EIF3E: variants seen among roughly 807,000 people sequenced by gnomAD.
EIF3E encodes the protein eukaryotic translation initiation factor 3 subunit E, also known as eIF-3 p48.
In EIF3E, 25 loss-of-function variants were observed where a neutral mutation model predicts 59.3. That is an observed-to-expected ratio of 0.42 (90% CI 0.31 to 0.59). EIF3E has a LOEUF of 0.59. Ranked by LOEUF, EIF3E falls within the 20% of genes least tolerant of loss-of-function variation. EIF3E has a pLI of 0.15. For synonymous variants in EIF3E, 176 were observed against 170.2 expected (o/e 1.03, Z -0.26); for missense variants, 317 against 534.3 (o/e 0.59, Z 4.01).
chr8:108,246,669 T>G (rs2129934732), intron 1 of EIF3E, among the ~76,000 whole-genome samples: 1 of 152,164 alleles, frequency 6.6e-6, no homozygotes, highest in Non-Finnish European at 1.5e-5. Flanking sequence ...TCCCATCCAC[T>G]TCCTCTACTT....
intron 10 of EIF3E, among the ~76,000 whole-genome samples, chr8:108,205,257 A>C (rs1440125854): frequency 6.6e-6 from 1 of 152,112 alleles, no homozygotes; most frequent in Non-Finnish European, 1.5e-5. Context: ...CATGTAACCA[A>C]AGTGCACGCA....
At position 108,215,686 on chromosome 8, in the gene EIF3E, T is replaced by G. The variant is rs143560214; in HGVS notation, c.951+726A>C. Among the ~76,000 whole-genome samples the G allele has an allele frequency of 1.4e-3, 208 of 152,238 alleles. 5 individuals are homozygous for G. The East Asian group carries it at 0.033, about 24-fold the overall frequency. On this transcript the variant is annotated intron_variant, in intron 9 of 12. Transcript: ENST00000220849. ...ATGATCATTTTTTTCCTTAGAGAAGTAAGATATTTGTCAACAAATTGCCCA... is the reference window on the plus strand; with the variant it reads ...ATGATCATTTTTTTCCTTAGAGAAGGAAGATATTTGTCAACAAATTGCCCA...
At chr8:108,240,177 A>G (rs1378528299) in intron 2 of EIF3E, 102 bp from the exon 3 acceptor site, 2 of 925,264 alleles carry the variant, frequency 2.2e-6, no homozygotes, top group East Asian at 4.8e-5. Context: ...TAAACTATAC[A>G]TATATTTATT....
intron 10 of EIF3E, among the ~76,000 whole-genome samples, chr8:108,211,098 T>G (rs1815201100): frequency 6.6e-6 from 1 of 152,336 alleles, no homozygotes; most frequent in South Asian, 2.1e-4. Flanking sequence ...TTATTATCCT[T>G]TGGGTATATG....
chr8:108,233,859 A>G (rs1451289955), intron 5 of EIF3E, among the ~76,000 whole-genome samples: 20 of 137,258 alleles, frequency 1.5e-4, no homozygotes, highest in East Asian at 6.6e-4. Flanking sequence ...AAAAAAAAAA[A>G]AAAGAAATCT....
chr8:108,246,968 T>C (rs1331297306), intron 1 of EIF3E, among the ~76,000 whole-genome samples: 1 of 152,200 alleles, frequency 6.6e-6, no homozygotes, highest in African/African-American at 2.4e-5. Context: ...TCAAAACTTA[T>C]AACGGATTTT....
At chr8:108,245,296 T>TC (rs1815926519) in intron 1 of EIF3E, among the ~76,000 whole-genome samples, 3 of 152,036 alleles carry the variant, frequency 2.0e-5, no homozygotes, top group South Asian at 4.2e-4. Context: ...TGAAACCCCA[T>TC]CTCTACAAAA....
At chr8:108,231,047 TC>T (rs1815613798) in intron 5 of EIF3E, among the ~76,000 whole-genome samples, 4 of 152,094 alleles carry the variant, frequency 2.6e-5, no homozygotes, top group African/African-American at 9.7e-5. Context: ...ACAAAAAGGG[TC>T]TTTCTGAGGT....
intron 10 of EIF3E, among the ~76,000 whole-genome samples, chr8:108,204,230 CAT>C (rs1371831000): frequency 8.6e-5 from 13 of 151,906 alleles, no homozygotes; most frequent in African/African-American, 1.9e-4. Context: ...ATAAAGAAGA[CAT>C]ATGAAAAAGA....
At chr8:108,233,570 G>A (rs1815662579) in intron 5 of EIF3E, 1 of 236,130 alleles carries the variant, frequency 4.2e-6, no homozygotes, top group Non-Finnish European at 8.8e-6. Context: ...GCAGGGTGCA[G>A]AGGCTCATGG....
intron 7 of EIF3E, among the ~76,000 whole-genome samples, chr8:108,222,863 A>G (rs1328608688): frequency 2.1e-5 from 3 of 145,312 alleles, no homozygotes; most frequent in African/African-American, 7.7e-5. Context: ...TAACAGACTC[A>G]GTATTTGTGC....
At chr8:108,209,058 G>T (rs1815158876) in intron 10 of EIF3E, among the ~76,000 whole-genome samples, 1 of 151,586 alleles carries the variant, frequency 6.6e-6, no homozygotes, top group Non-Finnish European at 1.5e-5. Flanking sequence ...CAGGCATTTA[G>T]TCAGGAAATC....
At chr8:108,242,400 G>T (rs1187742780) in intron 1 of EIF3E, 5 of 1,288,950 alleles carry the variant, frequency 3.9e-6, no homozygotes, top group Non-Finnish European at 4.0e-6. Flanking sequence ...CTTTGCAAAG[G>T]ATCCAAAAAA....
At chr8:108,235,665 A>G (rs1239915162) in intron 4 of EIF3E, among the ~76,000 whole-genome samples, 1 of 152,230 alleles carries the variant, frequency 6.6e-6, no homozygotes, top group East Asian at 1.9e-4. Context: ...ACGGTTAGGA[A>G]AGCTTACGAT....
chr8:108,238,335 C>T (rs1416148404), intron 3 of EIF3E, among the ~76,000 whole-genome samples: 1 of 152,128 alleles, frequency 6.6e-6, no homozygotes, highest in African/African-American at 2.4e-5. Flanking sequence ...TGCCTACCCC[C>T]TACTCACGAG....
intron 10 of EIF3E, among the ~76,000 whole-genome samples, chr8:108,213,881 T>C (rs187269886): frequency 1.8e-4 from 27 of 152,312 alleles, no homozygotes; most frequent in African/African-American, 6.3e-4. Flanking sequence ...AAGCGAAGTA[T>C]GGATAAGCAA....
At chr8:108,216,887 A>G (rs1055418607) in intron 8 of EIF3E, among the ~76,000 whole-genome samples, 1 of 152,172 alleles carries the variant, frequency 6.6e-6, no homozygotes, top group Admixed American at 6.5e-5. Context: ...TTTAAGTTAT[A>G]TTTCTAATCT....
intron 7 of EIF3E, among the ~76,000 whole-genome samples, chr8:108,221,791 A>G (rs944575079): frequency 5.3e-5 from 6 of 113,660 alleles, no homozygotes; most frequent in Admixed American, 2.6e-4. Flanking sequence ...AAAAGCTGCC[A>G]GACTACACAC....
rs75094640 is a variant in EIF3E at position 108,231,333 on chromosome 8, C to G, written c.472-2138G>C. The stretch of plus-strand genomic sequence containing the variant: ...TTCTGATTTCAGATGTTAAAATATG[C>G]AAAACTATGCTTGAAGATCAATATT... On this transcript the variant is annotated intron_variant, in intron 5 of 12. Coordinates refer to ENST00000220849, the MANE Select transcript of EIF3E (RefSeq NM_001568.3). Among the ~76,000 whole-genome samples the G allele has an allele frequency of 8.8e-3, 1,336 of 152,008 alleles. 36 individuals are homozygous for G. Among genetic ancestry groups the G allele is most frequent in the African/African-American group, 0.031 (1,274 of 41,474 alleles).
Sources: allele counts gnomAD v4.1 joint callset (sites outside exome capture counted in the v4.1 genomes callset), GRCh38; gene constraint gnomAD v4.1.1; transcripts MANE v1.5; gene names NCBI Gene and HGNC (gene_info 2026-07-23, HGNC 2026-07-21).